The following CPNE5 variants were observed in gnomAD, a reference collection of about 807,000 sequenced individuals.
CPNE5 encodes the protein copine 5.
Under a neutral mutation model 81.1 loss-of-function variants are expected in CPNE5, and 42 were observed. The observed-to-expected ratio is 0.52, with a 90% CI of 0.40 to 0.67. The LOEUF is 0.67. Ranked by LOEUF, CPNE5 falls within the 30% of genes least tolerant of loss-of-function variation. The pLI, the probability that CPNE5 is intolerant of heterozygous loss-of-function variation, is 0.00. For synonymous variants in CPNE5, 313 were observed against 321.5 expected, an observed-to-expected ratio of 0.97 and a Z score of 0.28; for missense variants, 612 against 815.5, an observed-to-expected ratio of 0.75 and a Z score of 3.04.
Position 36,741,703 on chromosome 6 carries a change from T to C in CPNE5, c.*565A>G, listed in dbSNP as rs998606620. ...CCATCACATGGCCTACGGTCCATGA[T>C]TACAGCACCCCATGGGGTCCCCGGG... On this transcript the variant is annotated 3_prime_UTR_variant, in exon 21 of 21. Transcript: ENST00000244751. 3 of 152,842 alleles carry C rather than the reference T, an allele frequency of 2.0e-5. No individual in the cohort carries two copies. The highest frequency in any genetic ancestry group is 7.2e-5 in the African/African-American group (3 of 41,448). 9.5% of individuals were successfully genotyped at this position (152,842 alleles called of 1,614,324 possible). A position where few individuals can be genotyped will look rare whatever the true frequency, so the allele number is the denominator to read the frequency against.
chr6:36,757,989 C>A (rs1765651776), intron 12 of CPNE5, among the ~76,000 whole-genome samples: 1 of 152,060 alleles, frequency 6.6e-6, no homozygotes, highest in South Asian at 2.1e-4. Flanking sequence ...CTCTGATGAC[C>A]CCCAAGCTGG....
intron 9 of CPNE5, 122 bp downstream of exon 9, chr6:36,778,732 C>T: frequency 1.4e-6 from 1 of 708,722 alleles, no homozygotes; most frequent in South Asian, 1.8e-5. Flanking sequence ...AGCCCTTGCC[C>T]TCTCTAGAGC....
chr6:36,742,184 G>T lies in CPNE5; in HGVS notation c.*84C>A. 1 of 1,149,012 alleles carries T rather than the reference G, an allele frequency of 8.7e-7. No homozygotes were observed. The highest frequency in any genetic ancestry group is 1.2e-6 in the Non-Finnish European group (1 of 818,842). 71.2% of individuals were successfully genotyped at this position (1,149,012 alleles called of 1,614,324 possible). A position where few individuals can be genotyped will look rare whatever the true frequency, so the allele number is the denominator to read the frequency against. The stretch of plus-strand genomic sequence containing the variant: ...CACAGATGTCCCAAAGGCCGGGCAG[G>T]CCAACTTCGGGGAGTCTGGGGCCCT... On this transcript the variant is annotated 3_prime_UTR_variant, in exon 21 of 21. Coordinates refer to ENST00000244751, the MANE Select transcript of CPNE5 (RefSeq NM_020939.2).
intron 3 of CPNE5, among the ~76,000 whole-genome samples, chr6:36,821,829 G>A (rs942508360): frequency 5.9e-5 from 9 of 152,136 alleles, no homozygotes; most frequent in Non-Finnish European, 1.0e-4. Flanking sequence ...AGGTCTTAAC[G>A]GGCACGGACT....
rs900445984 is a variant in CPNE5 at position 36,792,317 on chromosome 6, C to T, written c.465-221G>A. Reference sequence around the variant, plus strand: ...GTCCCCGAGCCTGGAGCTGCCCCACCCCCTGCTCCCCGAGAGCCCACCAGG... The same window carrying T: ...GTCCCCGAGCCTGGAGCTGCCCCACTCCCTGCTCCCCGAGAGCCCACCAGG... On this transcript the variant is annotated intron_variant, in intron 7 of 20. Transcript: ENST00000244751. 50 of 1,524,212 alleles carry T rather than the reference C, an allele frequency of 3.3e-5. No individual in the cohort carries two copies. In the African/African-American group the frequency reaches 6.3e-4, roughly 19 times the overall value. 94.4% of individuals were successfully genotyped at this position (1,524,212 alleles called of 1,614,324 possible). A position where few individuals can be genotyped will look rare whatever the true frequency, so the allele number is the denominator to read the frequency against.
In CPNE5 at chr6:36,745,112, A is replaced by G; in HGVS notation, c.1367T>C (p.Val456Ala). The stretch of plus-strand genomic sequence containing the variant: ...GACCCCATCAGTAATGATGAGCAGC[A>G]CCGAGTACTGGGAGCCATCCTGCAC... Reference protein sequence around the residue: ...AAVQDGSQYSVLLIITDGVIS... With the variant: ...AAVQDGSQYSALLIITDGVIS... Residue 456 changes from valine to alanine, a missense_variant, in exon 18 of 21, where the codon GTG (valine) becomes GCG (alanine). Physicochemically the swap from Val to Ala is moderately conservative, Grantham distance 64 (BLOSUM62 0). Transcript: ENST00000244751. 1 of 1,614,054 alleles carries G rather than the reference A, an allele frequency of 6.2e-7. No individual in the cohort carries two copies. Among genetic ancestry groups the G allele is most frequent in the Non-Finnish European group, 8.5e-7 (1 of 1,179,962 alleles).
At chr6:36,776,162 C>T (rs910921514) in intron 9 of CPNE5, among the ~76,000 whole-genome samples, 4 of 152,178 alleles carry the variant, frequency 2.6e-5, no homozygotes, top group Admixed American at 2.0e-4. Flanking sequence ...GATGGGCAGT[C>T]ACTACCAGGG....
intron 14 of CPNE5, among the ~76,000 whole-genome samples, chr6:36,749,026 T>G (rs1360496584): frequency 1.3e-5 from 2 of 151,948 alleles, no homozygotes; most frequent in Admixed American, 6.5e-5. Flanking sequence ...AGCCTCAACC[T>G]CCTGGGCTCA....
At chr6:36,757,368 A>G (rs1241999863) in intron 12 of CPNE5, 6 of 985,112 alleles carry the variant, frequency 6.1e-6, no homozygotes, top group Non-Finnish European at 7.2e-6. Flanking sequence ...GCTGATCTTT[A>G]CCGTGGTCTC....
intron 13 of CPNE5, 120 bp from the exon 14 acceptor site, chr6:36,753,215 A>G (rs1765038258): frequency 2.7e-6 from 2 of 740,026 alleles, no homozygotes; most frequent in Non-Finnish European, 4.8e-6. Context: ...GCATGACTGC[A>G]TGCACTGCCC....
intron 3 of CPNE5, among the ~76,000 whole-genome samples, chr6:36,821,585 A>T (rs183915124): frequency 1.3e-5 from 2 of 152,188 alleles, no homozygotes; most frequent in Non-Finnish European, 2.9e-5. Context: ...GGGGACTGGA[A>T]ATGAGATGAG....
intron 8 of CPNE5, among the ~76,000 whole-genome samples, chr6:36,782,516 C>G (rs1252753795): frequency 3.3e-5 from 5 of 152,060 alleles, no homozygotes; most frequent in Non-Finnish European, 7.4e-5. Context: ...CGAAAAATGG[C>G]ACAAAGGGAC....
chr6:36,746,077 A>C lies in CPNE5; in HGVS notation c.1200+319T>G. The C allele has an allele frequency of 1.3e-6, 1 of 771,236 alleles. No homozygotes were observed. 47.8% of individuals were successfully genotyped at this position (771,236 alleles called of 1,614,324 possible). A position where few individuals can be genotyped will look rare whatever the true frequency, so the allele number is the denominator to read the frequency against. Reference sequence around the variant, plus strand: ...GCACTGACTCAGGGATACCCAACCCACACCACCTTGTTCACTTTTCTGGGG... The same window carrying C: ...GCACTGACTCAGGGATACCCAACCCCCACCACCTTGTTCACTTTTCTGGGG... On this transcript the variant is annotated intron_variant, in intron 16 of 20. Coordinates refer to ENST00000244751, the MANE Select transcript of CPNE5 (RefSeq NM_020939.2). The surrounding 1 kb of genome is among the most constrained non-coding windows in gnomAD (Gnocchi z 4.5).
intron 3 of CPNE5, among the ~76,000 whole-genome samples, chr6:36,817,293 C>A (rs544014778): frequency 1.3e-4 from 20 of 152,210 alleles, no homozygotes; most frequent in African/African-American, 4.6e-4. Context: ...CCATTGCACT[C>A]CAGCCCGGGC....
intron 4 of CPNE5, among the ~76,000 whole-genome samples, chr6:36,799,384 T>C (rs930323623): frequency 6.6e-6 from 1 of 152,110 alleles, no homozygotes; most frequent in African/African-American, 2.4e-5. Flanking sequence ...CACTCTTCTG[T>C]GGGGCAAAGA....
At chr6:36,798,535 G>C (rs370233257) in intron 4 of CPNE5, 41 bp from the exon 5 acceptor site, 12 of 1,599,526 alleles carry the variant, frequency 7.5e-6, no homozygotes, top group Middle Eastern at 1.7e-4. Context: ...AGCTGCGGAC[G>C]TTCTGCCCAA....
At position 36,740,779 on chromosome 6, in the gene CPNE5, C is replaced by G. The variant is rs9368958; in HGVS notation, c.*1489G>C. 24,986 of 152,600 alleles carry G rather than the reference C, an allele frequency of 0.16. 2,364 individuals carry two copies. Among genetic ancestry groups the G allele is most frequent in the East Asian group, 0.26 (1,369 of 5,188 alleles). 9.5% of individuals were successfully genotyped at this position (152,600 alleles called of 1,614,324 possible). A position where few individuals can be genotyped will look rare whatever the true frequency, so the allele number is the denominator to read the frequency against. On this transcript the variant is annotated 3_prime_UTR_variant, in exon 21 of 21. Transcript: ENST00000244751. ...GAAGAAAGAAAAACTTCGTGCTTTA[C>G]TAAAAGAACCAAATTTACTTCAGTT...
At position 36,828,051 on chromosome 6, in the gene CPNE5, G is replaced by A. The variant is rs1312792498; in HGVS notation, c.96-4953C>T. 2.0e-5 allele frequency among the ~76,000 whole-genome samples: 3 copies of A among 151,996 alleles called. No homozygotes were observed. The East Asian group carries it at 5.8e-4, about 29-fold the overall frequency. On this transcript the variant is annotated intron_variant, in intron 1 of 20. Transcript: ENST00000244751. ...GGCAGTGAGAAAATGGTCATTCATT[G>A]GGCTGTGAGGTCAGAAGTCTCCAAG...
In CPNE5 at chr6:36,766,732, A is replaced by G. The variant is rs1233785967; in HGVS notation, c.738-1356T>C. ...AGCCACCATTGAAAGGAGAAGTAAT[A>G]ACGGCCTTGCAGAACAGCTGCAAGA... On this transcript the variant is annotated intron_variant, in intron 10 of 20. Transcript: ENST00000244751. This position sits in a 1 kb window ranked among gnomAD's most constrained non-coding sequence, Gnocchi z 4.2. 6.6e-6 allele frequency among the ~76,000 whole-genome samples: 1 copy of G among 152,172 alleles called. No homozygotes were observed. Among genetic ancestry groups the G allele is most frequent in the Non-Finnish European group, 1.5e-5 (1 of 68,024 alleles).
Sources: allele counts gnomAD v4.1 joint callset (sites outside exome capture counted in the v4.1 genomes callset), GRCh38; gene constraint gnomAD v4.1.1; non-coding constraint Gnocchi (gnomAD v3.1); transcripts MANE v1.5; gene names NCBI Gene and HGNC (gene_info 2026-07-23, HGNC 2026-07-21).